MERTK: variants seen among roughly 807,000 people sequenced by gnomAD.
MERTK encodes the protein tyrosine-protein kinase Mer.
Under a neutral mutation model 99.3 loss-of-function variants are expected in MERTK, and 69 were observed. The observed-to-expected ratio is 0.70, with a 90% CI of 0.57 to 0.85. MERTK has a LOEUF of 0.85. Among genes scored for constraint, MERTK ranks in the 40% least tolerant of loss-of-function variants. The pLI is 0.00. For missense variants in MERTK, 1,125 were observed against 1,249.4 expected, an observed-to-expected ratio of 0.90 and a Z score of 1.50; for synonymous variants, 426 against 467.6, an observed-to-expected ratio of 0.91 and a Z score of 1.15.
At chr2:112,008,362 C>T (rs761752852) in intron 13 of MERTK, 21 bp from the exon 14 acceptor site, 1 of 1,588,782 alleles carries the variant, frequency 6.3e-7, no homozygotes, top group African/African-American at 1.3e-5. Context: ...CATACTTAAC[C>T]TTTTCTATTT....
At chr2:111,988,116 T>G (rs921623881) in intron 8 of MERTK, among the ~76,000 whole-genome samples, 2 of 151,912 alleles carry the variant, frequency 1.3e-5, no homozygotes, top group Admixed American at 6.6e-5. Flanking sequence ...TCAGGGAAGC[T>G]GCAGTGTACT....
At chr2:111,989,419 C>T (rs1179943214) in intron 8 of MERTK, among the ~76,000 whole-genome samples, 7 of 149,240 alleles carry the variant, frequency 4.7e-5, no homozygotes, top group South Asian at 2.1e-4. Context: ...TGCAGTGGTG[C>T]GGTCTCCACT....
intron 15 of MERTK, among the ~76,000 whole-genome samples, chr2:112,012,460 C>G (rs1285155482): frequency 6.6e-6 from 1 of 152,114 alleles, no homozygotes; most frequent in African/African-American, 2.4e-5. Context: ...ATGCAGGGTG[C>G]CTTTCAGTTC....
At chr2:112,004,229 G>A (rs1413217908) in intron 13 of MERTK, among the ~76,000 whole-genome samples, 1 of 152,046 alleles carries the variant, frequency 6.6e-6, no homozygotes, top group Admixed American at 6.5e-5. Context: ...CATACTGTCT[G>A]TCTTGCTCTC....
chr2:111,993,087 C>A (rs914273529), intron 8 of MERTK, among the ~76,000 whole-genome samples: 1 of 152,110 alleles, frequency 6.6e-6, no homozygotes, highest in Non-Finnish European at 1.5e-5. Context: ...GAAAAATTCT[C>A]ATACACTTCT....
intron 1 of MERTK, chr2:111,913,117 T>G: frequency 1.0e-6 from 1 of 975,286 alleles, no homozygotes; most frequent in Non-Finnish European, 1.2e-6. Flanking sequence ...GTAGAAGATA[T>G]TGAACATAGA....
chr2:112,003,409 G>GA (rs1453739210), intron 12 of MERTK: 3 of 406,000 alleles, frequency 7.4e-6, no homozygotes, highest in African/African-American at 6.1e-5. Flanking sequence ...ACAGGTCCTT[G>GA]AAAAATATTA....
chr2:111,972,371 G>A (rs1230910870), intron 6 of MERTK, among the ~76,000 whole-genome samples: 1 of 152,172 alleles, frequency 6.6e-6, no homozygotes, highest in Admixed American at 6.5e-5. Flanking sequence ...TGAGCTTCAG[G>A]GAGACTCTCA....
At chr2:111,972,672 C>T (rs1241384901) in intron 6 of MERTK, among the ~76,000 whole-genome samples, 10 of 152,164 alleles carry the variant, frequency 6.6e-5, no homozygotes, top group Admixed American at 5.2e-4. Flanking sequence ...ATCCTTTCTC[C>T]TTTCCATCTC....
chr2:111,957,391 G>A (rs1042926099), intron 4 of MERTK, among the ~76,000 whole-genome samples: 6 of 152,060 alleles, frequency 3.9e-5, no homozygotes, highest in East Asian at 1.9e-4. Context: ...CCAGGCCCCC[G>A]AGTATCAACT....
At chr2:111,944,137 A>G (rs1395007740) in intron 2 of MERTK, among the ~76,000 whole-genome samples, 1 of 152,002 alleles carries the variant, frequency 6.6e-6, no homozygotes, top group Admixed American at 6.6e-5. Flanking sequence ...TGTCTCTACT[A>G]AAAAATGCAA....
At chr2:112,002,895 C>T (rs1194290021) in intron 11 of MERTK, among the ~76,000 whole-genome samples, 197 bp from the exon 12 acceptor site, 3 of 152,164 alleles carry the variant, frequency 2.0e-5, no homozygotes, top group Admixed American at 6.5e-5. Context: ...ATCGCTTGAA[C>T]CCAGGAGGCA....
chr2:111,992,383 C>A (rs892905441), intron 8 of MERTK, among the ~76,000 whole-genome samples: 1 of 91,104 alleles, frequency 1.1e-5, no homozygotes, highest in Non-Finnish European at 2.4e-5. Context: ...CCAGGGCGGG[C>A]ATGAAAGCTC....
At chr2:112,023,362 T>C (rs1177013613) in intron 18 of MERTK, among the ~76,000 whole-genome samples, 1 of 152,040 alleles carries the variant, frequency 6.6e-6, no homozygotes, top group Admixed American at 6.5e-5. Flanking sequence ...TGCGGTGAGC[T>C]GAGATCGTGC....
chr2:111,983,042 G>T, intron 8 of MERTK, 49 bp downstream of exon 8: 2 of 1,609,836 alleles, frequency 1.2e-6, no homozygotes, highest in Non-Finnish European at 1.7e-6. Flanking sequence ...CTTTCAACTT[G>T]CTGGTTTACT....
rs549926484 is a variant in MERTK at position 111,973,778 on chromosome 2, C to T, written c.961-1511C>T. 3.9e-5 allele frequency among the ~76,000 whole-genome samples: 6 copies of T among 152,160 alleles called. No individual in the cohort carries two copies. The East Asian group carries it at 9.7e-4, about 24-fold the overall frequency. ...ACTCTCCCTTATCCCCATACCCAGA[C>T]AGGAGGTATGCGAGGAAAGAGATGG... On this transcript the variant is annotated intron_variant, in intron 6 of 18. Coordinates refer to ENST00000295408, the MANE Select transcript of MERTK (RefSeq NM_006343.3).
chr2:111,996,403 A>G (rs1333027594), intron 9 of MERTK: 1 of 153,672 alleles, frequency 6.5e-6, no homozygotes, highest in African/African-American at 2.4e-5. Flanking sequence ...CGCCCTTGTC[A>G]TTCTTTTTGT....
chr2:112,000,854 CCATT>C (rs1450018433), intron 10 of MERTK, among the ~76,000 whole-genome samples: 1 of 152,174 alleles, frequency 6.6e-6, no homozygotes, highest in African/African-American at 2.4e-5. Context: ...GTCTTTTCTT[CCATT>C]CATTCATTCA....
At chr2:111,991,964 G>GA (rs1220980262) in intron 8 of MERTK, among the ~76,000 whole-genome samples, 1 of 152,154 alleles carries the variant, frequency 6.6e-6, no homozygotes, top group East Asian at 1.9e-4. Flanking sequence ...TTAGGCCTCA[G>GA]AAAACAGAAT....
Sources: allele counts gnomAD v4.1 joint callset (sites outside exome capture counted in the v4.1 genomes callset), GRCh38; gene constraint gnomAD v4.1.1; transcripts MANE v1.5; gene names NCBI Gene and HGNC (gene_info 2026-07-23, HGNC 2026-07-21).